SSH2: variants seen among roughly 807,000 people sequenced by gnomAD.
SSH2 encodes slingshot protein phosphatase 2.
Under a neutral mutation model 135.2 loss-of-function variants are expected in SSH2, and 37 were observed. That is an observed-to-expected ratio of 0.27 (90% CI 0.21 to 0.36). The LOEUF is 0.36. Ranked by LOEUF, SSH2 falls within the 10% of genes least tolerant of loss-of-function variation. SSH2 has a pLI of 1.00. For synonymous variants in SSH2, 628 were observed against 646.2 expected (o/e 0.97, Z 0.43); for missense variants, 1,408 against 1,765.3 (o/e 0.80, Z 3.63).
At chr17:29,793,825 G>A (rs2042113531) in intron 3 of SSH2, 69 bp downstream of exon 3, 1 of 1,349,126 alleles carries the variant, frequency 7.4e-7, no homozygotes, top group African/African-American at 1.5e-5. Flanking sequence ...AAGAATTAGA[G>A]AAAAAACAAT....
intron 2 of SSH2, among the ~76,000 whole-genome samples, chr17:29,844,099 A>G (rs996673737): frequency 4.6e-5 from 7 of 152,202 alleles, no homozygotes; most frequent in Non-Finnish European, 7.3e-5. Flanking sequence ...AAAGGCTAAC[A>G]TCTCTTCCTT....
chr17:29,661,746 A>C (rs1343034378), intron 11 of SSH2, among the ~76,000 whole-genome samples: 2 of 152,240 alleles, frequency 1.3e-5, no homozygotes, highest in African/African-American at 2.4e-5. Flanking sequence ...CAGTTAGATG[A>C]AAATAACATT....
At chr17:29,849,152 T>G (rs573211100) in intron 1 of SSH2, among the ~76,000 whole-genome samples, 1 of 152,300 alleles carries the variant, frequency 6.6e-6, no homozygotes, top group African/African-American at 2.4e-5. Context: ...GTTTCCCGAT[T>G]TGGGGAAAGA....
At chr17:29,791,246 G>A (rs552113319) in intron 3 of SSH2, among the ~76,000 whole-genome samples, 33 of 151,584 alleles carry the variant, frequency 2.2e-4, no homozygotes, top group Non-Finnish European at 4.1e-4. Flanking sequence ...CACCACACCC[G>A]GCTAATTTTT....
At chr17:29,706,080 A>G (rs1425586262) in intron 3 of SSH2, among the ~76,000 whole-genome samples, 2 of 152,170 alleles carry the variant, frequency 1.3e-5, no homozygotes, top group Non-Finnish European at 2.9e-5. Context: ...AATTTATCCC[A>G]GTTTTTTCCA....
chr17:29,907,319 A>G (rs549664161), intron 1 of SSH2, among the ~76,000 whole-genome samples: 1 of 151,186 alleles, frequency 6.6e-6, no homozygotes, highest in African/African-American at 2.4e-5. Flanking sequence ...TGTGGGACAC[A>G]TGGTGGGGAA....
rs572917747 is a variant in SSH2, at chr17:29,830,033, G to C, written c.144+18816C>G. Among the ~76,000 whole-genome samples the C allele has an allele frequency of 3.5e-4, 53 of 152,074 alleles. 1 individual carries two copies. Among genetic ancestry groups the C allele is most frequent in the Admixed American group, 3.4e-3 (52 of 15,274 alleles). ...TTTTTGTATTTTTAGTAGAGATGGG[G>C]TTTCACTGTGTTAGCCAGGATGGTC... On this transcript the variant is annotated intron_variant, in intron 2 of 15. Coordinates refer to ENST00000540801, the MANE Select transcript of SSH2 (RefSeq NM_001282129.2).
intron 7 of SSH2, 74 bp downstream of exon 7, chr17:29,677,599 C>G (rs1329072484): frequency 6.3e-6 from 8 of 1,269,932 alleles, no homozygotes; most frequent in Admixed American, 1.7e-5. Flanking sequence ...TCCCTTTTAG[C>G]TGAATGAATG....
chr17:29,675,974 T>C (rs540230768), intron 8 of SSH2: 2 of 152,294 alleles, frequency 1.3e-5, no homozygotes, highest in South Asian at 2.1e-4. Context: ...ATATAATCCA[T>C]GCAAAGCATC....
intron 1 of SSH2, among the ~76,000 whole-genome samples, chr17:29,895,630 T>C (rs2066434228): frequency 1.1e-5 from 1 of 87,256 alleles, no homozygotes; most frequent in Non-Finnish European, 2.0e-5. Flanking sequence ...ATATGAAATA[T>C]ATAAAATATA....
intron 2 of SSH2, among the ~76,000 whole-genome samples, chr17:29,794,626 C>CAT (rs2042126523): frequency 2.6e-5 from 4 of 152,104 alleles, no homozygotes; most frequent in Admixed American, 2.6e-4. Flanking sequence ...AGCACTGAAT[C>CAT]ATAGTTCAAT....
chr17:29,841,976 C>T (rs1419430961), intron 2 of SSH2, among the ~76,000 whole-genome samples: 1 of 143,350 alleles, frequency 7.0e-6, no homozygotes, highest in Non-Finnish European at 1.5e-5. Flanking sequence ...TTAAGCGATC[C>T]TCCCGCCTCA....
In SSH2 at chr17:29,627,085, T is replaced by C. The variant is rs535779236; in HGVS notation, c.*3756A>G. ...ACTTACTCACAAGGGCTGACCATGA[T>C]GGCCCTGCTCTGCATGAGGACTCAC... is the stretch of plus-strand genomic sequence containing the variant. On this transcript the variant is annotated 3_prime_UTR_variant, in exon 16 of 16. Coordinates refer to ENST00000540801, the MANE Select transcript of SSH2 (RefSeq NM_001282129.2). 1.3e-5 allele frequency: 2 copies of C among 152,666 alleles called. No homozygotes were observed. Among genetic ancestry groups the C allele is most frequent in the Non-Finnish European group, 2.9e-5 (2 of 68,034 alleles). 9.5% of individuals were successfully genotyped at this position (152,666 alleles called of 1,614,324 possible).
At chr17:29,863,191 C>T (rs998523028) in intron 1 of SSH2, among the ~76,000 whole-genome samples, 2 of 152,040 alleles carry the variant, frequency 1.3e-5, no homozygotes, top group Non-Finnish European at 2.9e-5. Flanking sequence ...AAAAAGATTG[C>T]CAACTCCTGG....
chr17:29,697,089 T>C (rs2038789931), intron 4 of SSH2, among the ~76,000 whole-genome samples: 1 of 152,198 alleles, frequency 6.6e-6, no homozygotes, highest in Non-Finnish European at 1.5e-5. Flanking sequence ...TCACTTGTTC[T>C]TATACATCTT....
intron 9 of SSH2, among the ~76,000 whole-genome samples, chr17:29,669,781 C>T (rs2037417791): frequency 6.6e-6 from 1 of 151,722 alleles, no homozygotes; most frequent in Admixed American, 6.6e-5. Context: ...CAGGGACTGC[C>T]TTTATGTTTT....
At chr17:29,858,757 A>G (rs2065709018) in intron 1 of SSH2, among the ~76,000 whole-genome samples, 1 of 152,142 alleles carries the variant, frequency 6.6e-6, no homozygotes, top group South Asian at 2.1e-4. Context: ...CTGTCGCCCT[A>G]ACTACTCGGG....
chr17:29,802,618 CAAA>C (rs74267073), intron 2 of SSH2, among the ~76,000 whole-genome samples: 1 of 57,400 alleles, frequency 1.7e-5, no homozygotes, highest in South Asian at 7.2e-4. Flanking sequence ...ACTGTTTCTA[CAAA>C]AAAAAAAAAA....
At chr17:29,883,307 C>CA (rs964972676) in intron 1 of SSH2, among the ~76,000 whole-genome samples, 1 of 151,966 alleles carries the variant, frequency 6.6e-6, no homozygotes, top group African/African-American at 2.4e-5. Context: ...ACACATTTTC[C>CA]AAATCCTATG....
Sources: allele counts gnomAD v4.1 joint callset (sites outside exome capture counted in the v4.1 genomes callset), GRCh38; gene constraint gnomAD v4.1.1; transcripts MANE v1.5; gene names NCBI Gene and HGNC (gene_info 2026-07-23, HGNC 2026-07-21).